Variants in BAZ1A observed in about 807,000 individuals in gnomAD.
BAZ1A encodes bromodomain adjacent to zinc finger domain protein 1A.
In BAZ1A, 50 loss-of-function variants were observed where a neutral mutation model predicts 185.2. That is an observed-to-expected ratio of 0.27 (90% CI 0.22 to 0.34). The LOEUF is 0.34. Among genes scored for constraint, BAZ1A ranks in the 10% least tolerant of loss-of-function variants. The probability of loss-of-function intolerance (pLI) is 1.00; values close to 1 mark genes in which losing one functional copy is unlikely to be tolerated. For synonymous variants in BAZ1A, 571 were observed against 615.6 expected (o/e 0.93, Z 1.07); for missense variants, 1,356 against 1,839.9 (o/e 0.74, Z 4.81).
intron 6 of BAZ1A, among the ~76,000 whole-genome samples, chr14:34,803,841 TA>T (rs1385305416): frequency 6.6e-6 from 1 of 152,126 alleles, no homozygotes; most frequent in Non-Finnish European, 1.5e-5. Context: ...AAAGCAGAAA[TA>T]CTTGCAAATT....
intron 3 of BAZ1A, among the ~76,000 whole-genome samples, chr14:34,831,952 T>TGAGGAAGGGA (rs1437184962): frequency 1.3e-5 from 2 of 152,048 alleles, no homozygotes; most frequent in African/African-American, 2.4e-5. Flanking sequence ...CCCAGCACTT[T>TGAGGAAGGGA]GGCAGGCTGA....
At chr14:34,760,563 G>A (rs1886479388) in intron 24 of BAZ1A, among the ~76,000 whole-genome samples, 1 of 150,756 alleles carries the variant, frequency 6.6e-6, no homozygotes, top group African/African-American at 2.4e-5. Flanking sequence ...AAAAAAATAG[G>A]GCCAGGCCAG....
At chr14:34,846,889 TAAAAA>T (rs894237319) in intron 3 of BAZ1A, among the ~76,000 whole-genome samples, 5 of 151,486 alleles carry the variant, frequency 3.3e-5, no homozygotes, top group South Asian at 2.1e-4. Context: ...CCTCAGAACT[TAAAAA>T]AAAATTAAAA....
intron 3 of BAZ1A, among the ~76,000 whole-genome samples, chr14:34,839,724 T>C (rs575814716): frequency 6.7e-5 from 10 of 149,298 alleles, no homozygotes; most frequent in Admixed American, 1.3e-4. Context: ...GTGCCTGTAG[T>C]CCCAGCTACT....
rs56071390 is a variant in BAZ1A at position 34,753,175 on chromosome 14, A to T, written c.*333T>A. On this transcript the variant is annotated 3_prime_UTR_variant, in exon 27 of 27. Transcript: ENST00000360310. ...AACTCTCCCTTAATACCACCACTTT[A>T]AAAAAAAATCATCAATAACAAAATA... The T allele has an allele frequency of 2.7e-3, 582 of 212,628 alleles. 6 individuals are homozygous for T. Among genetic ancestry groups the T allele is most frequent in the African/African-American group, 0.013 (551 of 42,730 alleles). 13.2% of individuals were successfully genotyped at this position (212,628 alleles called of 1,614,324 possible).
chr14:34,804,001 T>C (rs142030352), intron 6 of BAZ1A, among the ~76,000 whole-genome samples: 1 of 152,258 alleles, frequency 6.6e-6, no homozygotes, highest in African/African-American at 2.4e-5. Context: ...GTTTTTTTAA[T>C]TTTATTTACG....
chr14:34,863,733 T>C (rs1385689198), intron 2 of BAZ1A, among the ~76,000 whole-genome samples: 2 of 152,132 alleles, frequency 1.3e-5, no homozygotes, highest in Non-Finnish European at 2.9e-5. Flanking sequence ...ATCACAAAAA[T>C]GTATGTACTT....
intron 3 of BAZ1A, among the ~76,000 whole-genome samples, chr14:34,854,620 C>G (rs2042646343): frequency 6.6e-6 from 1 of 152,118 alleles, no homozygotes. Context: ...ATACAATACA[C>G]ACATACATAC....
At chr14:34,826,880 T>G (rs1251293057) in intron 3 of BAZ1A, among the ~76,000 whole-genome samples, 1 of 152,156 alleles carries the variant, frequency 6.6e-6, no homozygotes, top group Non-Finnish European at 1.5e-5. Flanking sequence ...AGATTCTCCC[T>G]CAATGGGAGC....
At chr14:34,850,096 C>T (rs2042574586) in intron 3 of BAZ1A, among the ~76,000 whole-genome samples, 1 of 152,052 alleles carries the variant, frequency 6.6e-6, no homozygotes, top group East Asian at 1.9e-4. Flanking sequence ...AAAAAAAGGT[C>T]AGGCCGGGCA....
rs772368271 is a variant in BAZ1A at position 34,826,099 on chromosome 14, A to G, written c.450T>C (p.Asn150=). The change falls in exon 4 of 27, where the codon AAT becomes AAC. Residue 150 remains asparagine (N), a synonymous_variant. Transcript: ENST00000360310. The part of the protein sequence containing the change: ...LPPSHQNGFA[N]GHVNSVDGET... ...CTCCATCCACACTGTTAACATGTCC[A>G]TTAGCAAAACCATTTTGATGTGATG... 13 of 1,612,662 alleles carry G rather than the reference A, an allele frequency of 8.1e-6. No individual in the cohort carries two copies. The highest frequency in any genetic ancestry group is 1.3e-5 in the African/African-American group (1 of 74,926).
chr14:34,862,410 T>C lies in BAZ1A; in HGVS notation c.114-88A>G, dbSNP rs2042783169. The C allele has an allele frequency of 2.1e-6, 3 of 1,451,998 alleles. No individual in the cohort carries two copies. In the South Asian group the frequency reaches 4.3e-5, roughly 21 times the overall value. The allele number at this position is 1,451,998 out of a possible 1,614,324, so 89.9% of individuals were successfully genotyped here. ...AAAAACTGATAGCATTATCAGGTTA[T>C]TTTTGTGCCTTTAATGCAAAATTTT... On this transcript the variant is annotated intron_variant, in intron 2 of 26. Transcript: ENST00000360310.
intron 16 of BAZ1A, 107 bp from the exon 17 acceptor site, chr14:34,780,417 A>C: frequency 9.0e-7 from 1 of 1,111,742 alleles, no homozygotes. Flanking sequence ...CTTAGGAAGT[A>C]GTGAACAACA....
At chr14:34,833,910 A>G (rs1007385823) in intron 3 of BAZ1A, among the ~76,000 whole-genome samples, 2 of 152,182 alleles carry the variant, frequency 1.3e-5, no homozygotes, top group Non-Finnish European at 2.9e-5. Context: ...TTTTATTCTA[A>G]GAGAAAAGCT....
intron 9 of BAZ1A, 98 bp downstream of exon 9, chr14:34,800,126 G>C (rs1881428179): frequency 2.6e-6 from 3 of 1,146,050 alleles, no homozygotes; most frequent in African/African-American, 3.2e-5. Flanking sequence ...AAATGTGAAT[G>C]AAAGTAGTAA....
At chr14:34,845,546 T>A (rs761266433) in intron 3 of BAZ1A, among the ~76,000 whole-genome samples, 60 of 152,284 alleles carry the variant, frequency 3.9e-4, no homozygotes, top group Non-Finnish European at 7.9e-4. Flanking sequence ...AGTTTATCTA[T>A]GAGAAAAGTT....
At chr14:34,778,077 C>G (rs150244097) in intron 17 of BAZ1A, among the ~76,000 whole-genome samples, 28 of 152,268 alleles carry the variant, frequency 1.8e-4, no homozygotes, top group African/African-American at 6.7e-4. Context: ...GGTAACAGAA[C>G]CACTAGTTTT....
chr14:34,802,656 T>C (rs1219692030), intron 7 of BAZ1A, among the ~76,000 whole-genome samples, 198 bp downstream of exon 7: 1 of 152,228 alleles, frequency 6.6e-6, no homozygotes, highest in Non-Finnish European at 1.5e-5. Context: ...GAAAGTCATA[T>C]CTAATTCACA....
In BAZ1A at chr14:34,798,134, CTGCTGAGGGGCGTGTCCGCCAT is replaced by C. The variant is rs545197000; in HGVS notation, c.1128+2068_1128+2089del. On this transcript the variant is annotated intron_variant, in intron 9 of 26. Coordinates refer to ENST00000360310, the MANE Select transcript of BAZ1A (RefSeq NM_013448.3). ...TGGCAGGGGGAGGGGGCGTCCGCCA[CTGCTGAGGGGCGTGTCCGCCAT>C]TGCTGAGGCTTGAGTAGGTAAACAA... 8.6e-4 allele frequency among the ~76,000 whole-genome samples: 131 copies of C among 152,328 alleles called. 1 individual carries two copies. The South Asian group carries it at 0.025, about 30-fold the overall frequency.
Sources: gnomAD v4.1 joint callset for allele counts (sites outside exome capture counted in the v4.1 genomes callset) on GRCh38, gnomAD v4.1.1 for gene constraint, MANE v1.5 for transcripts, NCBI Gene and HGNC (gene_info 2026-07-23, HGNC 2026-07-21) for gene names.